Variants in XKR6 observed in about 807,000 individuals in gnomAD.
XKR6 encodes the protein XK-related protein 6.
XKR6 carries 22 observed loss-of-function variants against 56.7 expected under a neutral mutation model. The ratio of observed to expected loss-of-function variants is 0.39; its 90% confidence interval spans 0.28 to 0.55. The LOEUF (loss-of-function observed/expected upper bound fraction) is 0.55, where lower values mean the gene tolerates loss of function less well. XKR6 is among the 20% of genes least tolerant of loss of function. The pLI, the probability that XKR6 is intolerant of heterozygous loss-of-function variation, is 0.66. For missense variants in XKR6, 852 were observed against 889.0 expected, an observed-to-expected ratio of 0.96 and a Z score of 0.53; for synonymous variants, 524 against 387.8, an observed-to-expected ratio of 1.35 and a Z score of -4.13.
intron 1 of XKR6, among the ~76,000 whole-genome samples, chr8:11,065,175 T>C: frequency 6.6e-6 from 1 of 152,090 alleles, no homozygotes; most frequent in East Asian, 1.9e-4. Flanking sequence ...CACAATGGAG[T>C]ACATACTTTA....
At chr8:11,051,275 A>G (rs1799541147) in intron 1 of XKR6, among the ~76,000 whole-genome samples, 1 of 150,772 alleles carries the variant, frequency 6.6e-6, no homozygotes, top group African/African-American at 2.4e-5. Flanking sequence ...CCTGTCCTCC[A>G]GGTATGGCAA....
chr8:10,962,303 T>G (rs1802087831), intron 1 of XKR6, among the ~76,000 whole-genome samples: 1 of 152,176 alleles, frequency 6.6e-6, no homozygotes, highest in Admixed American at 6.5e-5. Context: ...CTAACCAGCT[T>G]TGGGGGACAC....
intron 1 of XKR6, among the ~76,000 whole-genome samples, chr8:11,042,444 A>C (rs991851672): frequency 1.3e-5 from 2 of 151,978 alleles, no homozygotes; most frequent in African/African-American, 4.8e-5. Context: ...ATGAGATCTG[A>C]TGGTTTTATA....
chr8:11,092,374 A>T (rs1310826661), intron 1 of XKR6, among the ~76,000 whole-genome samples: 4 of 152,140 alleles, frequency 2.6e-5, no homozygotes, highest in African/African-American at 9.7e-5. Flanking sequence ...TTTTTATTTT[A>T]CTCATTTTAG....
chr8:10,930,106 G>A (rs565415009), intron 1 of XKR6, among the ~76,000 whole-genome samples: 1 of 152,240 alleles, frequency 6.6e-6, no homozygotes, highest in East Asian at 1.9e-4. Context: ...AAACTATGTT[G>A]CCCCTCTGAG....
At chr8:10,990,771 C>G (rs900293951) in intron 1 of XKR6, among the ~76,000 whole-genome samples, 2 of 151,966 alleles carry the variant, frequency 1.3e-5, no homozygotes, top group African/African-American at 2.4e-5. Context: ...TTTGTAGAGA[C>G]GAGATTTTGT....
chr8:10,921,396 G>A (rs575968688), intron 2 of XKR6, among the ~76,000 whole-genome samples: 9 of 152,308 alleles, frequency 5.9e-5, no homozygotes, highest in East Asian at 1.9e-4. Context: ...GGCCCATGGC[G>A]GGTGGTACCA....
At chr8:10,965,889 G>T (rs1267293741) in intron 1 of XKR6, among the ~76,000 whole-genome samples, 5 of 152,190 alleles carry the variant, frequency 3.3e-5, no homozygotes, top group Non-Finnish European at 7.3e-5. Flanking sequence ...AGCAGGTGTG[G>T]GCCACCTGGT....
Position 11,176,167 on chromosome 8 carries a change from C to G in XKR6, c.764+24409G>C, listed in dbSNP as rs1802643102. 2.0e-5 allele frequency among the ~76,000 whole-genome samples: 3 copies of G among 152,278 alleles called. No individual in the cohort carries two copies. In the South Asian group the frequency reaches 6.2e-4, roughly 32 times the overall value. ...TTTAAAACACCTTTACAAATTATCCCATTTTGAAACCGGAAAAATCTCACA... is the reference window on the plus strand; with the variant it reads ...TTTAAAACACCTTTACAAATTATCCGATTTTGAAACCGGAAAAATCTCACA... On this transcript the variant is annotated intron_variant, in intron 1 of 2. Transcript: ENST00000416569.
rs533383431 is a variant in XKR6 at position 10,918,249 on chromosome 8, C to T, written c.961+6385G>A. 7.0e-4 allele frequency among the ~76,000 whole-genome samples: 106 copies of T among 152,336 alleles called. 1 individual carries two copies. The highest frequency in any genetic ancestry group is 3.8e-3 in the Admixed American group (58 of 15,304). On this transcript the variant is annotated intron_variant, in intron 2 of 2. Transcript: ENST00000416569. ...CCCCTTGCCTCCTGGCCAGGCCAAG[C>T]TTAGCTTCCTAGTAAGACAGTGAGG...
At chr8:11,073,048 T>C (rs1800175098) in intron 1 of XKR6, among the ~76,000 whole-genome samples, 1 of 152,074 alleles carries the variant, frequency 6.6e-6, no homozygotes, top group Non-Finnish European at 1.5e-5. Context: ...AGACTCCATC[T>C]CAAAAACAAA....
At chr8:11,108,311 T>C (rs1163691690) in intron 1 of XKR6, 1 of 456,286 alleles carries the variant, frequency 2.2e-6, no homozygotes, top group Admixed American at 2.3e-5. Context: ...CAGATTTAAG[T>C]GTTATGAAAC....
intron 1 of XKR6, among the ~76,000 whole-genome samples, chr8:11,155,714 T>A (rs935024617): frequency 6.6e-6 from 1 of 152,170 alleles, no homozygotes; most frequent in African/African-American, 2.4e-5. Flanking sequence ...GAAGTCTCAA[T>A]GGCCTCCCTA....
At position 11,165,644 on chromosome 8, in the gene XKR6, A is replaced by C. The variant is rs537059341; in HGVS notation, c.764+34932T>G. On this transcript the variant is annotated intron_variant, in intron 1 of 2. Coordinates refer to ENST00000416569, the MANE Select transcript of XKR6 (RefSeq NM_173683.4). ...TCAGTCTTCAAAATAAATGCAGTGT[A>C]TTAACTCTTAGACTGTACTCCTGAA... Among the ~76,000 whole-genome samples, 8 of 152,306 alleles carry C rather than the reference A, an allele frequency of 5.3e-5. No homozygotes were observed. The South Asian group carries it at 1.2e-3, about 24-fold the overall frequency.
chr8:10,961,011 G>C (rs977124473), intron 1 of XKR6, among the ~76,000 whole-genome samples: 1 of 152,152 alleles, frequency 6.6e-6, no homozygotes, highest in African/African-American at 2.4e-5. Flanking sequence ...ACTGAGTGAG[G>C]AGGAACCAGC....
chr8:11,144,025 G>A (rs1196457376), intron 1 of XKR6, among the ~76,000 whole-genome samples: 2 of 151,942 alleles, frequency 1.3e-5, no homozygotes, highest in Admixed American at 6.6e-5. Context: ...CTTCTTTTAA[G>A]AAGTTGCCAG....
At chr8:11,016,162 C>T (rs1798616460) in intron 1 of XKR6, among the ~76,000 whole-genome samples, 1 of 152,198 alleles carries the variant, frequency 6.6e-6, no homozygotes. Flanking sequence ...CCTGGCACAG[C>T]CCGACGGTGG....
chr8:11,186,517 A>G (rs1057076766), intron 1 of XKR6, among the ~76,000 whole-genome samples: 7 of 152,078 alleles, frequency 4.6e-5, no homozygotes, highest in African/African-American at 1.7e-4. Context: ...GCTGGGAACC[A>G]CAGGTGTGCC....
rs551381606 is a variant in XKR6, at chr8:10,979,453, G to T, written c.765-54623C>A. Among the ~76,000 whole-genome samples, 3 of 152,082 alleles carry T rather than the reference G, an allele frequency of 2.0e-5. No homozygotes were observed. In the East Asian group the frequency reaches 5.9e-4, roughly 30 times the overall value. On this transcript the variant is annotated intron_variant, in intron 1 of 2. Transcript: ENST00000416569. ...CGAGAACCCAGGCCACCTTCCAAGG[G>T]GATAAGGCAGCAGGACCTCCACACC...
Sources: allele counts gnomAD v4.1 joint callset (sites outside exome capture counted in the v4.1 genomes callset), GRCh38; gene constraint gnomAD v4.1.1; transcripts MANE v1.5; gene names NCBI Gene and HGNC (gene_info 2026-07-23, HGNC 2026-07-21).